The following TEAD1 variants were observed in gnomAD, a reference collection of about 807,000 sequenced individuals.
TEAD1 encodes the protein transcriptional enhancer factor TEF-1.
A neutral mutation model predicts 54.9 loss-of-function variants in TEAD1; 9 were observed. That is an observed-to-expected ratio of 0.16 (90% CI 0.10 to 0.29). The LOEUF is 0.29. Among genes scored for constraint, TEAD1 ranks in the 10% least tolerant of loss-of-function variants. The probability of loss-of-function intolerance (pLI) is 1.00; values close to 1 mark genes in which losing one functional copy is unlikely to be tolerated. For synonymous variants in TEAD1, 200 were observed against 187.8 expected (o/e 1.07, Z -0.53); for missense variants, 387 against 535.9 (o/e 0.72, Z 2.74).
chr11:12,795,519 G>A (rs983763506), intron 3 of TEAD1, among the ~76,000 whole-genome samples: 2 of 152,164 alleles, frequency 1.3e-5, no homozygotes, highest in African/African-American at 4.8e-5. Flanking sequence ...GTTGGGACCA[G>A]GATTGGAACT....
rs113806725 is a variant in TEAD1 at position 12,838,590 on chromosome 11, A to G, written c.203-23660A>G. ...TTAAGTAAAACGTTCATGTAAAACA[A>G]AAGTTTATTATAGATTGGTTTTAAA... On this transcript the variant is annotated intron_variant, in intron 3 of 12. Transcript: ENST00000527636. Among the ~76,000 whole-genome samples the G allele has an allele frequency of 2.1e-3, 325 of 152,316 alleles. 5 individuals carry two copies. Among genetic ancestry groups the G allele is most frequent in the East Asian group, 0.02 (106 of 5,186 alleles).
At chr11:12,900,496 T>G (rs985579257) in intron 9 of TEAD1, among the ~76,000 whole-genome samples, 15 of 152,206 alleles carry the variant, frequency 9.9e-5, no homozygotes, top group Non-Finnish European at 1.9e-4. Context: ...GTGGAGTGTC[T>G]TATTTAAACC....
intron 2 of TEAD1, among the ~76,000 whole-genome samples, chr11:12,753,563 A>T (rs1944921800): frequency 6.6e-6 from 1 of 152,168 alleles, no homozygotes; most frequent in Non-Finnish European, 1.5e-5. Flanking sequence ...GTTATGTTTC[A>T]TAAAATACAT....
At chr11:12,706,523 A>G (rs750642287) in intron 2 of TEAD1, among the ~76,000 whole-genome samples, 2 of 152,366 alleles carry the variant, frequency 1.3e-5, no homozygotes, top group South Asian at 4.1e-4. Context: ...CAGATAAATT[A>G]TCTGTTTTGT....
chr11:12,897,986 G>A (rs1338402472), intron 9 of TEAD1, among the ~76,000 whole-genome samples: 1 of 152,100 alleles, frequency 6.6e-6, no homozygotes, highest in Non-Finnish European at 1.5e-5. Flanking sequence ...GTGACCTCAG[G>A]CAAGTCAGTT....
At chr11:12,887,223 A>C (rs958058995) in intron 9 of TEAD1, among the ~76,000 whole-genome samples, 4 of 151,798 alleles carry the variant, frequency 2.6e-5, no homozygotes, top group Non-Finnish European at 4.4e-5. Flanking sequence ...CAGCCTCCCA[A>C]GTAGCTGGGA....
chr11:12,819,910 T>A (rs181616128), intron 3 of TEAD1, among the ~76,000 whole-genome samples: 1 of 152,288 alleles, frequency 6.6e-6, no homozygotes, highest in African/African-American at 2.4e-5. Context: ...TTTCCCCGAT[T>A]GTGAGTCAGC....
In TEAD1 at chr11:12,930,167, C is replaced by G; in HGVS notation, c.1015-7C>G. The G allele has an allele frequency of 6.2e-7, 1 of 1,613,574 alleles. No homozygotes were observed. The highest frequency in any genetic ancestry group is 8.5e-7 in the Non-Finnish European group (1 of 1,179,824). On this transcript the variant is annotated splice_region_variant and splice_polypyrimidine_tract_variant and intron_variant, in intron 11 of 12. Coordinates refer to ENST00000527636, the MANE Select transcript of TEAD1 (RefSeq NM_021961.6). Reference sequence around the variant, plus strand: ...GTAAAAATACTGAAATCCTTTTTTCCTCACAGACGGAGTATGCAAGGTTTG... The same window carrying G: ...GTAAAAATACTGAAATCCTTTTTTCGTCACAGACGGAGTATGCAAGGTTTG...
intron 4 of TEAD1, among the ~76,000 whole-genome samples, chr11:12,863,634 C>T (rs867938103): frequency 1.3e-5 from 2 of 152,234 alleles, no homozygotes; most frequent in East Asian, 3.9e-4. Context: ...AGTCGCTGAA[C>T]TTTTAAATGG....
intron 3 of TEAD1, among the ~76,000 whole-genome samples, chr11:12,796,533 C>CTT (rs1945928968): frequency 6.7e-6 from 1 of 149,884 alleles, no homozygotes; most frequent in Non-Finnish European, 1.5e-5. Context: ...TGAGACCAGC[C>CTT]TGGGCAATGT....
At chr11:12,882,382 G>A (rs1367550352) in intron 8 of TEAD1, among the ~76,000 whole-genome samples, 1 of 152,058 alleles carries the variant, frequency 6.6e-6, no homozygotes. Context: ...AGCTCAAAGT[G>A]GAAAACATGA....
chr11:12,736,196 C>T (rs569211868), intron 2 of TEAD1, among the ~76,000 whole-genome samples: 28 of 152,252 alleles, frequency 1.8e-4, no homozygotes, highest in African/African-American at 5.8e-4. Context: ...CCAAATGGGT[C>T]CTTTTCTCTT....
In TEAD1 at chr11:12,760,069, T is replaced by C. The variant is rs557550551; in HGVS notation, c.-54-4110T>C. Among the ~76,000 whole-genome samples, 64 of 152,346 alleles carry C rather than the reference T, an allele frequency of 4.2e-4. 2 individuals carry two copies. The highest frequency in any genetic ancestry group is 1.5e-3 in the African/African-American group (61 of 41,588). On this transcript the variant is annotated intron_variant, in intron 2 of 12. Coordinates refer to ENST00000527636, the MANE Select transcript of TEAD1 (RefSeq NM_021961.6). ...TTTTCTATGCAGTCATTTGAAGACC[T>C]TGAAGAAGAGGTCCTTTGTAAATCA...
chr11:12,683,514 G>A (rs1364588999), intron 2 of TEAD1, among the ~76,000 whole-genome samples: 1 of 152,160 alleles, frequency 6.6e-6, no homozygotes, highest in Non-Finnish European at 1.5e-5. Flanking sequence ...GAAGAGCTGT[G>A]TTGCCCTGTG....
Position 12,937,187 on chromosome 11 carries a change from G to A in TEAD1, c.1246G>A (p.Ala416Thr). The change falls in exon 13 of 13, where the codon GCA becomes ACA. Residue 416 changes from alanine to threonine, a missense_variant. Ala to Thr is a moderately conservative substitution (Grantham distance 58, BLOSUM62 0). Around this residue, in one of 5 missense-constraint regions of TEAD1, gnomAD observed 123 missense variants for 199.0 expected, o/e 0.62. Coordinates refer to ENST00000527636, the MANE Select transcript of TEAD1 (RefSeq NM_021961.6). ...TGAAGTTTCAAATAGTGAACACGGA[G>A]CACAACATCATATTTACAGGCTTGT... 1 of 1,613,934 alleles carries A rather than the reference G, an allele frequency of 6.2e-7. No homozygotes were observed. Among genetic ancestry groups the A allele is most frequent in the Non-Finnish European group, 8.5e-7 (1 of 1,179,902 alleles).
intron 2 of TEAD1, among the ~76,000 whole-genome samples, chr11:12,687,249 G>T (rs924376815): frequency 6.6e-6 from 1 of 152,212 alleles, no homozygotes; most frequent in Non-Finnish European, 1.5e-5. Flanking sequence ...TAGGCAGAAA[G>T]GTCCTGGAAA....
At chr11:12,907,206 G>T (rs1948535790) in intron 10 of TEAD1, among the ~76,000 whole-genome samples, 1 of 152,092 alleles carries the variant, frequency 6.6e-6, no homozygotes, top group African/African-American at 2.4e-5. Flanking sequence ...TGAGGGGCTG[G>T]TAAGCAAAGG....
intron 5 of TEAD1, among the ~76,000 whole-genome samples, chr11:12,873,593 C>T (rs1947797975): frequency 6.6e-6 from 1 of 152,314 alleles, no homozygotes; most frequent in Middle Eastern, 3.4e-3. Flanking sequence ...GGCAGCGAGT[C>T]AGGAGAAGCA....
intron 3 of TEAD1, among the ~76,000 whole-genome samples, chr11:12,811,940 C>T (rs1946309953): frequency 6.6e-6 from 1 of 151,996 alleles, no homozygotes; most frequent in Admixed American, 6.6e-5. Flanking sequence ...CAGGCTCAGC[C>T]ACACCGGTAG....
Sources: allele counts gnomAD v4.1 joint callset (sites outside exome capture counted in the v4.1 genomes callset), GRCh38; gene constraint gnomAD v4.1.1; regional missense constraint gnomAD v4.1.1; transcripts MANE v1.5; gene names NCBI Gene and HGNC (gene_info 2026-07-23, HGNC 2026-07-21).